Variants in MPDZ observed in about 807,000 individuals in gnomAD.
MPDZ encodes the protein multiple PDZ domain crumbs cell polarity complex component.
MPDZ carries 234 observed loss-of-function variants against 239.1 expected under a neutral mutation model. That is an observed-to-expected ratio of 0.98 (90% confidence interval 0.88 to 1.09). MPDZ has a LOEUF of 1.09. Among genes scored for constraint, MPDZ ranks in the 50% least tolerant of loss-of-function variants. The probability of loss-of-function intolerance (pLI) is 0.00; values close to 1 mark genes in which losing one functional copy is unlikely to be tolerated. For missense variants in MPDZ, 3,175 were observed against 2,510.0 expected, an observed-to-expected ratio of 1.26 and a Z score of -5.66; for synonymous variants, 1,048 against 881.3, an observed-to-expected ratio of 1.19 and a Z score of -3.35.
At chr9:13,173,428 C>G (rs965377382) in intron 21 of MPDZ, among the ~76,000 whole-genome samples, 9 of 152,042 alleles carry the variant, frequency 5.9e-5, no homozygotes, top group African/African-American at 1.9e-4. Flanking sequence ...GCAGGCCGGG[C>G]AGGGTGACTC....
chr9:13,164,776 A>C (rs1395355570), intron 22 of MPDZ, among the ~76,000 whole-genome samples: 3 of 152,152 alleles, frequency 2.0e-5, no homozygotes, highest in African/African-American at 7.2e-5. Context: ...CTATTTAGCC[A>C]CTACAGAGAG....
chr9:13,261,945 T>C (rs1460657754), intron 1 of MPDZ, among the ~76,000 whole-genome samples: 3 of 151,038 alleles, frequency 2.0e-5, no homozygotes, highest in Admixed American at 2.0e-4. Context: ...CTTGGGAGGC[T>C]AAGGTGAGAA....
chr9:13,137,689 C>T (rs961489048), intron 29 of MPDZ, among the ~76,000 whole-genome samples: 1 of 152,062 alleles, frequency 6.6e-6, no homozygotes, highest in Admixed American at 6.6e-5. Context: ...AAAACAAATG[C>T]TTTTGAAGTG....
At chr9:13,272,243 G>A (rs1973149176) in intron 1 of MPDZ, among the ~76,000 whole-genome samples, 1 of 152,158 alleles carries the variant, frequency 6.6e-6, no homozygotes, top group Admixed American at 6.5e-5. Flanking sequence ...GGGCTGAATA[G>A]GTTGACTTTA....
intron 4 of MPDZ, 122 bp from the exon 5 acceptor site, chr9:13,223,832 G>A (rs1327979834): frequency 1.6e-5 from 16 of 996,360 alleles, no homozygotes; most frequent in Non-Finnish European, 2.3e-5. Context: ...AGGAGTTAGG[G>A]ACCAGACTGG....
chr9:13,228,515 A>C (rs1341273432), intron 3 of MPDZ, among the ~76,000 whole-genome samples: 2 of 152,226 alleles, frequency 1.3e-5, no homozygotes, highest in East Asian at 3.9e-4. Flanking sequence ...AAAAATATGT[A>C]CCTTATTTTA....
At chr9:13,243,070 C>T (rs1313646263) in intron 3 of MPDZ, among the ~76,000 whole-genome samples, 1 of 152,140 alleles carries the variant, frequency 6.6e-6, no homozygotes, top group Admixed American at 6.6e-5. Context: ...TTTTTCAAGA[C>T]CCATTTTCCA....
At chr9:13,131,419 G>A (rs1945980362) in intron 32 of MPDZ, among the ~76,000 whole-genome samples, 1 of 151,992 alleles carries the variant, frequency 6.6e-6, no homozygotes, top group South Asian at 2.1e-4. Flanking sequence ...TAATATAAAG[G>A]GATTTTCCTC....
chr9:13,190,976 G>C (rs1053487420), intron 15 of MPDZ, among the ~76,000 whole-genome samples: 1 of 152,024 alleles, frequency 6.6e-6, no homozygotes, highest in Admixed American at 6.6e-5. Context: ...CAAAATACTA[G>C]GTTAATATAG....
intron 21 of MPDZ, among the ~76,000 whole-genome samples, chr9:13,173,654 G>A (rs1297852683): frequency 2.0e-5 from 3 of 150,994 alleles, no homozygotes; most frequent in Non-Finnish European, 2.9e-5. Flanking sequence ...GCAGTTAGCC[G>A]AGATCATGCC....
At chr9:13,168,651 A>T in intron 21 of MPDZ, 87 bp from the exon 22 acceptor site, 2 of 1,059,558 alleles carry the variant, frequency 1.9e-6, no homozygotes, top group Non-Finnish European at 2.6e-6. Context: ...TATGATTTAT[A>T]GATTAAAAAA....
intron 12 of MPDZ, 30 bp downstream of exon 12, chr9:13,205,006 G>C (rs1455055417): frequency 1.5e-6 from 2 of 1,325,850 alleles, no homozygotes; most frequent in Non-Finnish European, 2.0e-6. Flanking sequence ...AAATAATGAA[G>C]TACACAATAA....
At chr9:13,113,149 AC>A in intron 41 of MPDZ, 95 bp from the exon 42 acceptor site, 1 of 1,158,856 alleles carries the variant, frequency 8.6e-7, no homozygotes, top group Non-Finnish European at 1.2e-6. Context: ...CTAAATGATA[AC>A]CTAGGTTTCT....
intron 23 of MPDZ, among the ~76,000 whole-genome samples, chr9:13,160,830 T>TTATA (rs58374268): frequency 0.05 from 1,874 of 37,814 alleles, 134 homozygotes; most frequent in Middle Eastern, 0.1. Context: ...ATTATTAAAA[T>TTATA]TATATATATA....
intron 10 of MPDZ, among the ~76,000 whole-genome samples, chr9:13,207,649 T>A (rs1957149928): frequency 6.6e-6 from 1 of 152,230 alleles, no homozygotes; most frequent in East Asian, 1.9e-4. Flanking sequence ...AGCCCCCTTT[T>A]ACCCATTCTT....
Position 13,121,834 on chromosome 9 carries a change from C to G in MPDZ, c.5136G>C (p.Glu1712Asp). The stretch of plus-strand genomic sequence containing the variant: ...ACACTTCCTCCTCTTTGTATGGGGC[C>G]TCATCTCTGTAGAGTGTCAGGCGCA... ...QRVRLTLYRD[E>D]APYKEEEVCD... Residue 1712 changes from glutamate to aspartate, a missense_variant, in exon 38 of 47, where the codon GAG (glutamate) becomes GAC (aspartate). Glu to Asp is a conservative substitution (Grantham distance 45). Transcript: ENST00000319217. The G allele has an allele frequency of 6.2e-7, 1 of 1,613,932 alleles. No homozygotes were observed. The highest frequency in any genetic ancestry group is 8.5e-7 in the Non-Finnish European group (1 of 1,179,868).
chr9:13,250,695 G>C (rs141133221), intron 1 of MPDZ, among the ~76,000 whole-genome samples: 52 of 152,210 alleles, frequency 3.4e-4, no homozygotes, highest in African/African-American at 1.2e-3. Flanking sequence ...TTCACTTACA[G>C]ATCTTTAAGC....
chr9:13,262,118 C>A (rs1043392035), intron 1 of MPDZ, among the ~76,000 whole-genome samples: 4 of 151,618 alleles, frequency 2.6e-5, no homozygotes, highest in African/African-American at 7.3e-5. Flanking sequence ...TAAATGAAAT[C>A]TTAGTAACTG....
intron 28 of MPDZ, among the ~76,000 whole-genome samples, chr9:13,139,110 A>T (rs188588160): frequency 1.5e-3 from 225 of 152,324 alleles, no homozygotes; most frequent in African/African-American, 5.2e-3. Flanking sequence ...AAACGTTATT[A>T]TATGGCTAAT....
Sources: gnomAD v4.1 joint callset for allele counts (sites outside exome capture counted in the v4.1 genomes callset) on GRCh38, gnomAD v4.1.1 for gene constraint, MANE v1.5 for transcripts, NCBI Gene and HGNC (gene_info 2026-07-23, HGNC 2026-07-21) for gene names.